Variants in LTBP2 observed in about 807,000 individuals in gnomAD.
LTBP2 encodes latent transforming growth factor beta binding protein 2, also known as latent-transforming growth factor beta-binding protein 2.
In LTBP2, 103 loss-of-function variants were observed where a neutral mutation model predicts 210.6. The ratio of observed to expected loss-of-function variants is 0.49; its 90% CI spans 0.42 to 0.58. LTBP2 has a LOEUF of 0.58. Ranked by LOEUF, LTBP2 falls within the 20% of genes least tolerant of loss-of-function variation. The pLI is 0.00. For missense variants in LTBP2, 2,313 were observed against 2,494.5 expected, an observed-to-expected ratio of 0.93 and a Z score of 1.55; for synonymous variants, 1,007 against 1,015.0, an observed-to-expected ratio of 0.99 and a Z score of 0.15.
In LTBP2 at chr14:74,612,077, C is replaced by G; in HGVS notation, c.-133G>C. 3.0e-6 allele frequency: 3 copies of G among 993,130 alleles called. No individual in the cohort carries two copies. Among genetic ancestry groups the G allele is most frequent in the Non-Finnish European group, 2.7e-6 (2 of 727,340 alleles). 61.5% of individuals were successfully genotyped at this position (993,130 alleles called of 1,614,324 possible). On this transcript the variant is annotated 5_prime_UTR_variant, in exon 1 of 36. Coordinates refer to ENST00000261978, the MANE Select transcript of LTBP2 (RefSeq NM_000428.3). ...TCTCTGAGTCTAGGGGGCCCTGAAGCGGCCGACTGGGGGCCCGGCTCTCGG... is the reference window on the plus strand; with the variant it reads ...TCTCTGAGTCTAGGGGGCCCTGAAGGGGCCGACTGGGGGCCCGGCTCTCGG...
At chr14:74,601,535 C>T (rs1401980965) in intron 2 of LTBP2, among the ~76,000 whole-genome samples, 1 of 152,174 alleles carries the variant, frequency 6.6e-6, no homozygotes, top group African/African-American at 2.4e-5. Flanking sequence ...AGATCTGCTT[C>T]GTTGTTTGTT....
At chr14:74,530,160 C>G (rs1477223527) in intron 10 of LTBP2, among the ~76,000 whole-genome samples, 1 of 152,242 alleles carries the variant, frequency 6.6e-6, no homozygotes, top group African/African-American at 2.4e-5. Flanking sequence ...CAGGAACCAC[C>G]CTTTCCCACC....
intron 17 of LTBP2, 30 bp downstream of exon 17, chr14:74,521,881 T>C (rs1356666206): frequency 6.2e-7 from 1 of 1,613,304 alleles, no homozygotes; most frequent in East Asian, 2.2e-5. Flanking sequence ...CTGTGGGGCC[T>C]GGCCAAGGGC....
intron 24 of LTBP2, 132 bp downstream of exon 24, chr14:74,508,472 C>A: frequency 6.7e-7 from 1 of 1,493,352 alleles, no homozygotes; most frequent in Non-Finnish European, 9.0e-7. Context: ...TGAGCACTTG[C>A]TCTCAGTACT....
At chr14:74,598,728 C>G (rs1038806367) in intron 2 of LTBP2, among the ~76,000 whole-genome samples, 2 of 152,172 alleles carry the variant, frequency 1.3e-5, no homozygotes, top group African/African-American at 4.8e-5. Flanking sequence ...CTGCCCATAG[C>G]CCCTCAGCCA....
chr14:74,551,768 C>CT (rs1372466476), intron 6 of LTBP2, among the ~76,000 whole-genome samples: 2 of 152,204 alleles, frequency 1.3e-5, no homozygotes, highest in African/African-American at 4.8e-5. Context: ...GCACTCTGGG[C>CT]TTAGGAGCCT....
chr14:74,581,040 T>G (rs920944978), intron 3 of LTBP2, among the ~76,000 whole-genome samples: 2 of 152,038 alleles, frequency 1.3e-5, no homozygotes, highest in African/African-American at 4.8e-5. Flanking sequence ...TCCAGCACAT[T>G]TGAGGAAAAT....
chr14:74,547,708 G>A (rs1224604603), intron 8 of LTBP2, among the ~76,000 whole-genome samples: 3 of 152,118 alleles, frequency 2.0e-5, no homozygotes, highest in African/African-American at 7.2e-5. Flanking sequence ...AACTGGGTCA[G>A]GAGGTCCCAG....
intron 17 of LTBP2, among the ~76,000 whole-genome samples, chr14:74,521,149 A>G (rs2087197281): frequency 6.6e-6 from 1 of 152,126 alleles, no homozygotes; most frequent in Non-Finnish European, 1.5e-5. Flanking sequence ...ACCCGAGGGG[A>G]TCCTGGCAGC....
chr14:74,580,765 G>C (rs1257646816), intron 3 of LTBP2, among the ~76,000 whole-genome samples: 1 of 152,166 alleles, frequency 6.6e-6, no homozygotes, highest in Non-Finnish European at 1.5e-5. Context: ...TTGGAGACCA[G>C]CCTGGGCAAC....
chr14:74,579,601 G>GCA (rs1382415764), intron 3 of LTBP2, among the ~76,000 whole-genome samples: 1 of 152,228 alleles, frequency 6.6e-6, no homozygotes, highest in Non-Finnish European at 1.5e-5. Context: ...CCACCCACAT[G>GCA]CAGGCACATG....
intron 4 of LTBP2, 73 bp downstream of exon 4, chr14:74,555,430 G>C: frequency 4.6e-6 from 7 of 1,517,288 alleles, no homozygotes; most frequent in Non-Finnish European, 6.4e-6. Context: ...TGAGAGCAGA[G>C]GGGGAAGCCA....
intron 10 of LTBP2, among the ~76,000 whole-genome samples, chr14:74,530,038 T>C (rs1230732666): frequency 6.6e-6 from 1 of 152,218 alleles, no homozygotes; most frequent in Non-Finnish European, 1.5e-5. Context: ...CCTTAGCTTC[T>C]TCACGTGTAA....
intron 18 of LTBP2, among the ~76,000 whole-genome samples, chr14:74,514,378 C>G (rs1400045667): frequency 9.9e-5 from 15 of 152,184 alleles, no homozygotes; most frequent in Admixed American, 9.2e-4. Context: ...CACCCTTCAT[C>G]TTTTTGGTAT....
chr14:74,580,532 A>G (rs1342924643), intron 3 of LTBP2, among the ~76,000 whole-genome samples: 3 of 152,226 alleles, frequency 2.0e-5, no homozygotes, highest in African/African-American at 7.2e-5. Context: ...GCTAGCAGAG[A>G]GGCACAGAAC....
At chr14:74,528,721 A>G in intron 11 of LTBP2, 23 bp from the exon 12 acceptor site, 1 of 1,607,786 alleles carries the variant, frequency 6.2e-7, no homozygotes, top group Non-Finnish European at 8.5e-7. Context: ...CAGCCAGAGG[A>G]CAAACTGAGA....
In LTBP2 at chr14:74,517,657, A is replaced by G. The variant is rs185513551; in HGVS notation, c.2789-716T>C. Among the ~76,000 whole-genome samples, 132 of 151,864 alleles carry G rather than the reference A, an allele frequency of 8.7e-4. 1 individual carries two copies. In the East Asian group the frequency reaches 0.02, roughly 23 times the overall value. On this transcript the variant is annotated intron_variant, in intron 17 of 35. Coordinates refer to ENST00000261978, the MANE Select transcript of LTBP2 (RefSeq NM_000428.3). ...CAAAGTGCTGGGATTATAAGCATGAACCACTGCACCTGGCCTCCTGGAGTC... is the reference window on the plus strand; with the variant it reads ...CAAAGTGCTGGGATTATAAGCATGAGCCACTGCACCTGGCCTCCTGGAGTC...
intron 2 of LTBP2, among the ~76,000 whole-genome samples, chr14:74,601,633 G>C (rs1340146969): frequency 6.6e-6 from 1 of 152,212 alleles, no homozygotes; most frequent in Non-Finnish European, 1.5e-5. Flanking sequence ...ACAGGCAGAG[G>C]GTCAGGGCCA....
intron 1 of LTBP2, among the ~76,000 whole-genome samples, chr14:74,608,540 C>T (rs1432230050): frequency 6.6e-6 from 1 of 151,478 alleles, no homozygotes. Context: ...GAAACCCCAT[C>T]TCTACTAAAA....
Sources: gnomAD v4.1 joint callset for allele counts (sites outside exome capture counted in the v4.1 genomes callset) on GRCh38, gnomAD v4.1.1 for gene constraint, MANE v1.5 for transcripts, NCBI Gene and HGNC (gene_info 2026-07-23, HGNC 2026-07-21) for gene names.